The following DDC variants were observed in gnomAD, a reference collection of about 807,000 sequenced individuals.
DDC encodes the protein dopa decarboxylase, also known as aromatic-L-amino-acid decarboxylase.
In DDC, 43 loss-of-function variants were observed where a neutral mutation model predicts 60.0. The observed-to-expected ratio is 0.72, with a 90% CI of 0.56 to 0.92. DDC has a LOEUF of 0.92. Among genes scored for constraint, DDC ranks in the 40% least tolerant of loss-of-function variants. DDC has a pLI of 0.00. For missense variants in DDC, 573 were observed against 620.2 expected, an observed-to-expected ratio of 0.92 and a Z score of 0.81; for synonymous variants, 232 against 234.6, an observed-to-expected ratio of 0.99 and a Z score of 0.10.
intron 9 of DDC, chr7:50,493,148 C>T (rs1387323933): frequency 1.4e-6 from 1 of 720,000 alleles, no homozygotes; most frequent in African/African-American, 1.7e-5. Context: ...TGTCTGTGTC[C>T]CTCAACACAG....
intron 6 of DDC, among the ~76,000 whole-genome samples, chr7:50,515,695 C>T (rs530320982): frequency 2.6e-5 from 4 of 152,098 alleles, no homozygotes; most frequent in African/African-American, 7.2e-5. Flanking sequence ...ATTCACCTAA[C>T]GCATAAGGAC....
intron 6 of DDC, among the ~76,000 whole-genome samples, chr7:50,509,528 T>G (rs891419417): frequency 5.3e-5 from 8 of 152,226 alleles, no homozygotes; most frequent in African/African-American, 1.4e-4. Flanking sequence ...ACAGGCAAAC[T>G]TCTTTATAAA....
chr7:50,506,363 A>G (rs966205754), intron 6 of DDC, among the ~76,000 whole-genome samples: 4 of 152,090 alleles, frequency 2.6e-5, no homozygotes, highest in African/African-American at 9.7e-5. Context: ...ATGGGGTGGC[A>G]GGAGTGGGGA....
chr7:50,521,875 G>A (rs1290495640), intron 6 of DDC, among the ~76,000 whole-genome samples: 4 of 152,240 alleles, frequency 2.6e-5, no homozygotes, highest in South Asian at 2.1e-4. Flanking sequence ...TCAGGAATGA[G>A]GCAAGGATGT....
At position 50,555,679 on chromosome 7, in the gene DDC, G is replaced by C. The variant is rs1395911650; in HGVS notation, c.-29+9606C>G. Among the ~76,000 whole-genome samples, 3 of 152,144 alleles carry C rather than the reference G, an allele frequency of 2.0e-5. No homozygotes were observed. The East Asian group carries it at 5.8e-4, about 29-fold the overall frequency. Reference sequence around the variant, plus strand: ...ATTGATATGAACTTACATGTGCCAAGAACCACGTTAAGCTCTTTGCCTGGT... The same window carrying C: ...ATTGATATGAACTTACATGTGCCAACAACCACGTTAAGCTCTTTGCCTGGT... On this transcript the variant is annotated intron_variant, in intron 1 of 14. Transcript: ENST00000444124.
intron 9 of DDC, among the ~76,000 whole-genome samples, chr7:50,491,289 G>C (rs2042992640): frequency 1.3e-5 from 2 of 152,114 alleles, no homozygotes; most frequent in Non-Finnish European, 1.5e-5. Context: ...AGTTTTCCAG[G>C]ATTGTTCTCC....
chr7:50,476,518 C>T, intron 11 of DDC, 106 bp downstream of exon 11: 2 of 1,072,746 alleles, frequency 1.9e-6, no homozygotes, highest in Non-Finnish European at 1.5e-6. Context: ...AGGTGCCCAC[C>T]AGTGCGTGCT....
intron 1 of DDC, 147 bp from the exon 2 acceptor site, chr7:50,544,260 T>C: frequency 1.5e-6 from 1 of 680,850 alleles, no homozygotes; most frequent in East Asian, 2.7e-5. Context: ...GCGCTTTCCC[T>C]CCATGTCTGT....
intron 1 of DDC, among the ~76,000 whole-genome samples, chr7:50,550,414 C>T (rs922504552): frequency 1.3e-5 from 2 of 152,196 alleles, no homozygotes; most frequent in Non-Finnish European, 2.9e-5. Context: ...ATTCATGCGA[C>T]TCCCTTTATG....
chr7:50,507,794 T>C (rs6955487), intron 6 of DDC, among the ~76,000 whole-genome samples: 1,821 of 151,960 alleles, frequency 0.012, 34 homozygotes, highest in African/African-American at 0.042. Context: ...AGAATAGGGG[T>C]GATGTTCTTT....
At chr7:50,512,619 C>G (rs1173225060) in intron 6 of DDC, among the ~76,000 whole-genome samples, 1 of 152,192 alleles carries the variant, frequency 6.6e-6, no homozygotes, top group Non-Finnish European at 1.5e-5. Flanking sequence ...AAAAAGGGAA[C>G]TGTCCTCCAA....
chr7:50,500,097 G>A (rs1585190024), intron 7 of DDC, among the ~76,000 whole-genome samples: 1 of 152,268 alleles, frequency 6.6e-6, no homozygotes, highest in East Asian at 1.9e-4. Flanking sequence ...ACCCAGGAGA[G>A]TAAGAGTTGA....
At chr7:50,509,211 A>G (rs1367637956) in intron 6 of DDC, among the ~76,000 whole-genome samples, 1 of 152,050 alleles carries the variant, frequency 6.6e-6, no homozygotes, top group Non-Finnish European at 1.5e-5. Flanking sequence ...CTACGGCAAA[A>G]AAGTGATTCT....
intron 6 of DDC, among the ~76,000 whole-genome samples, chr7:50,522,741 G>A (rs1019753054): frequency 3.3e-5 from 5 of 152,144 alleles, no homozygotes; most frequent in South Asian, 2.1e-4. Flanking sequence ...CCTGAGACTG[G>A]GTAATTTATA....
intron 14 of DDC, 67 bp from the exon 15 acceptor site, chr7:50,458,910 C>G (rs1012143451): frequency 6.7e-6 from 1 of 150,172 alleles, no homozygotes; most frequent in African/African-American, 2.5e-5. Flanking sequence ...CCCTCTCCCT[C>G]TCCCTCTCCC....
chr7:50,498,716 T>C (rs1038047952), intron 8 of DDC, among the ~76,000 whole-genome samples: 2 of 152,246 alleles, frequency 1.3e-5, no homozygotes, highest in African/African-American at 4.8e-5. Context: ...AATGCATTGG[T>C]AGCTTCTCGT....
chr7:50,497,696 C>T (rs1333551691), intron 8 of DDC, among the ~76,000 whole-genome samples: 2 of 152,192 alleles, frequency 1.3e-5, no homozygotes, highest in African/African-American at 4.8e-5. Flanking sequence ...TTCTCATATA[C>T]TATACCCTCT....
intron 14 of DDC, among the ~76,000 whole-genome samples, chr7:50,462,926 C>T (rs762384481): frequency 2.6e-5 from 4 of 152,170 alleles, no homozygotes; most frequent in Non-Finnish European, 4.4e-5. Context: ...CATGCCACCA[C>T]GCCCAGCTAA....
At chr7:50,547,443 C>T (rs1267120564) in intron 1 of DDC, among the ~76,000 whole-genome samples, 2 of 152,124 alleles carry the variant, frequency 1.3e-5, no homozygotes. Context: ...TCTTGAACTC[C>T]TGATCTCAAG....
Sources: gnomAD v4.1 joint callset for allele counts (sites outside exome capture counted in the v4.1 genomes callset) on GRCh38, gnomAD v4.1.1 for gene constraint, MANE v1.5 for transcripts, NCBI Gene and HGNC (gene_info 2026-07-23, HGNC 2026-07-21) for gene names.